The following KIF13B variants were observed in gnomAD, a reference collection of about 807,000 sequenced individuals.
KIF13B encodes kinesin family member 13B.
In KIF13B, 127 loss-of-function variants were observed where a neutral mutation model predicts 222.0. The ratio of observed to expected loss-of-function variants is 0.57; its 90% CI spans 0.50 to 0.66. KIF13B has a LOEUF of 0.66. Ranked by LOEUF, KIF13B falls within the 30% of genes least tolerant of loss-of-function variation. The probability of loss-of-function intolerance (pLI) is 0.00; values close to 1 mark genes in which losing one functional copy is unlikely to be tolerated. For missense variants in KIF13B, 2,173 were observed against 2,379.0 expected (o/e 0.91, Z 1.80); for synonymous variants, 976 against 919.0 (o/e 1.06, Z -1.12).
At chr8:29,075,984 C>A (rs1326300328) in intron 37 of KIF13B, among the ~76,000 whole-genome samples, 1 of 152,168 alleles carries the variant, frequency 6.6e-6, no homozygotes, top group African/African-American at 2.4e-5. Flanking sequence ...ATCAGTAATG[C>A]AACTCCAGTG....
chr8:29,165,739 C>T lies in KIF13B; in HGVS notation c.1192G>A (p.Glu398Lys). 6.2e-7 allele frequency: 1 copy of T among 1,613,772 alleles called. No homozygotes were observed. Among genetic ancestry groups the T allele is most frequent in the Non-Finnish European group, 8.5e-7 (1 of 1,179,680 alleles). Reference protein sequence around the residue: ...MKSPELKDRLEESEKLIQEMT... With the variant: ...MKSPELKDRLKESEKLIQEMT... ...TCCTGGATTAGCTTCTCAGATTCTT[C>T]CAGCCGGTCCTTTAGCTCTGGAGAT... Residue 398 changes from glutamate (E) to lysine (K), a missense_variant, in exon 12 of 40, where the codon GAA (glutamate) becomes AAA (lysine). By Grantham distance (56) the Glu-to-Lys change is moderately conservative (BLOSUM62 1). Transcript: ENST00000524189.
intron 2 of KIF13B, among the ~76,000 whole-genome samples, chr8:29,236,084 G>T (rs924396997): frequency 6.6e-6 from 1 of 152,120 alleles, no homozygotes; most frequent in Non-Finnish European, 1.5e-5. Flanking sequence ...ACCTCAAAGT[G>T]CAGACCACAT....
At chr8:29,084,451 G>T (rs2133516684) in intron 37 of KIF13B, among the ~76,000 whole-genome samples, 1 of 152,258 alleles carries the variant, frequency 6.6e-6, no homozygotes, top group Middle Eastern at 3.4e-3. Context: ...GGGCAGAGGG[G>T]TGCTCTTTCT....
At chr8:29,189,647 T>G (rs1395115544) in intron 4 of KIF13B, 2 of 152,212 alleles carry the variant, frequency 1.3e-5, no homozygotes, top group Non-Finnish European at 2.9e-5. Flanking sequence ...GGTGAGGTGA[T>G]TTACTGAAAG....
intron 13 of KIF13B, among the ~76,000 whole-genome samples, chr8:29,157,762 T>C (rs529025706): frequency 9.3e-5 from 14 of 150,430 alleles, no homozygotes; most frequent in Non-Finnish European, 1.3e-4. Flanking sequence ...GCCCAGGAGA[T>C]TGAGGCTGCA....
At chr8:29,232,629 T>G (rs910709619) in intron 2 of KIF13B, among the ~76,000 whole-genome samples, 1 of 152,130 alleles carries the variant, frequency 6.6e-6, no homozygotes, top group East Asian at 1.9e-4. Context: ...CTTAGGAATA[T>G]TTTTAAATTT....
chr8:29,102,584 C>A (rs1808844569), intron 35 of KIF13B, among the ~76,000 whole-genome samples: 1 of 152,244 alleles, frequency 6.6e-6, no homozygotes, highest in African/African-American at 2.4e-5. Context: ...TTTTCCCACT[C>A]CTGCTCCTCT....
At chr8:29,135,636 T>G (rs1810520932) in intron 21 of KIF13B, among the ~76,000 whole-genome samples, 1 of 152,174 alleles carries the variant, frequency 6.6e-6, no homozygotes, top group South Asian at 2.1e-4. Flanking sequence ...ACCTTAACAT[T>G]TCAGGCTATA....
At chr8:29,231,451 T>C (rs899072039) in intron 2 of KIF13B, among the ~76,000 whole-genome samples, 1 of 152,206 alleles carries the variant, frequency 6.6e-6, no homozygotes, top group East Asian at 1.9e-4. Flanking sequence ...GTGGCAAGTG[T>C]GGCCATGACT....
At chr8:29,232,579 T>C (rs1815334659) in intron 2 of KIF13B, among the ~76,000 whole-genome samples, 1 of 152,076 alleles carries the variant, frequency 6.6e-6, no homozygotes, top group Non-Finnish European at 1.5e-5. Context: ...AGTGACCACA[T>C]TCTGCTGACA....
chr8:29,158,059 C>T lies in KIF13B; in HGVS notation c.1405-2203G>A, dbSNP rs374393171. Among the ~76,000 whole-genome samples, 387 of 152,284 alleles carry T rather than the reference C, an allele frequency of 2.5e-3. 5 individuals are homozygous for T. Among genetic ancestry groups the T allele is most frequent in the African/African-American group, 8.8e-3 (366 of 41,550 alleles). On this transcript the variant is annotated intron_variant, in intron 13 of 39. Transcript: ENST00000524189. ...CCTATTTCCATCCTACTGCCTTTTACTAGCTGTTTCCTCCGTCTGAAATGT... is the reference window on the plus strand; with the variant it reads ...CCTATTTCCATCCTACTGCCTTTTATTAGCTGTTTCCTCCGTCTGAAATGT...
chr8:29,172,182 A>G (rs1812274585), intron 10 of KIF13B, among the ~76,000 whole-genome samples: 1 of 145,986 alleles, frequency 6.8e-6, no homozygotes, highest in African/African-American at 2.5e-5. Context: ...CCAGGTTCAC[A>G]CCATTCTCCT....
At chr8:29,152,154 T>G (rs1316826824) in intron 14 of KIF13B, among the ~76,000 whole-genome samples, 1 of 152,174 alleles carries the variant, frequency 6.6e-6, no homozygotes, top group Non-Finnish European at 1.5e-5. Context: ...GTGGCTGAAC[T>G]GCTGTGACCT....
intron 2 of KIF13B, among the ~76,000 whole-genome samples, chr8:29,240,715 C>A (rs888052708): frequency 1.3e-5 from 2 of 152,210 alleles, no homozygotes; most frequent in African/African-American, 4.8e-5. Flanking sequence ...TTGGCTTGGA[C>A]AGCACTATGT....
At chr8:29,073,184 C>T (rs1249676765) in intron 38 of KIF13B, among the ~76,000 whole-genome samples, 1 of 149,730 alleles carries the variant, frequency 6.7e-6, no homozygotes, top group African/African-American at 2.5e-5. Context: ...ACAAAGGCTC[C>T]CTGTGGGCCG....
chr8:29,182,540 A>G (rs1438298249), intron 6 of KIF13B, among the ~76,000 whole-genome samples: 1 of 152,178 alleles, frequency 6.6e-6, no homozygotes, highest in Non-Finnish European at 1.5e-5. Flanking sequence ...GATCATTTCA[A>G]TAAACGCATG....
chr8:29,239,256 T>C (rs758050708), intron 2 of KIF13B, among the ~76,000 whole-genome samples: 6 of 152,170 alleles, frequency 3.9e-5, no homozygotes, highest in Non-Finnish European at 8.8e-5. Flanking sequence ...TGTCAGGTTT[T>C]GGTTCTGATG....
chr8:29,218,534 A>G (rs567200830), intron 2 of KIF13B, among the ~76,000 whole-genome samples: 103 of 152,364 alleles, frequency 6.8e-4, no homozygotes, highest in African/African-American at 2.4e-3. Flanking sequence ...CAACAGCTCT[A>G]TAACAGCAGG....
intron 35 of KIF13B, among the ~76,000 whole-genome samples, chr8:29,106,485 A>G (rs1809072566): frequency 6.6e-6 from 1 of 152,018 alleles, no homozygotes; most frequent in East Asian, 1.9e-4. Flanking sequence ...TACAAAAGTT[A>G]GTAGGGCGTG....
Sources: gnomAD v4.1 joint callset for allele counts (sites outside exome capture counted in the v4.1 genomes callset) on GRCh38, gnomAD v4.1.1 for gene constraint, MANE v1.5 for transcripts, NCBI Gene and HGNC (gene_info 2026-07-23, HGNC 2026-07-21) for gene names.